The following GMEB1 variants were observed in gnomAD, a reference collection of about 807,000 sequenced individuals.
GMEB1 encodes the protein glucocorticoid modulatory element-binding protein 1.
GMEB1 carries 6 observed loss-of-function variants against 52.4 expected under a neutral mutation model. That is an observed-to-expected ratio of 0.11 (90% CI 0.06 to 0.23). The LOEUF (loss-of-function observed/expected upper bound fraction) is 0.23, where lower values mean the gene tolerates loss of function less well. GMEB1 is among the 10% of genes least tolerant of loss of function. The pLI is 1.00. For missense variants in GMEB1, 486 were observed against 685.6 expected (o/e 0.71, Z 3.25); for synonymous variants, 255 against 244.9 (o/e 1.04, Z -0.38).
intron 1 of GMEB1, among the ~76,000 whole-genome samples, chr1:28,673,288 G>C (rs1668988171): frequency 6.7e-6 from 1 of 148,996 alleles, no homozygotes; most frequent in Non-Finnish European, 1.5e-5. Context: ...TTGAGATGGA[G>C]TTTCCAGGCT....
At chr1:28,700,627 G>T (rs993553602) in intron 6 of GMEB1, among the ~76,000 whole-genome samples, 1 of 151,080 alleles carries the variant, frequency 6.6e-6, no homozygotes, top group African/African-American at 2.4e-5. Flanking sequence ...GGAGACTGCC[G>T]TGAGCCGAGA....
At chr1:28,710,134 A>G (rs917796693) in intron 8 of GMEB1, among the ~76,000 whole-genome samples, 2 of 152,040 alleles carry the variant, frequency 1.3e-5, no homozygotes, top group Non-Finnish European at 2.9e-5. Context: ...GGGACAGAGC[A>G]AGACTCTGTC....
At chr1:28,702,692 C>G in intron 7 of GMEB1, 123 bp downstream of exon 7, 1 of 753,904 alleles carries the variant, frequency 1.3e-6, no homozygotes, top group Non-Finnish European at 2.2e-6. Context: ...TAAATACTAA[C>G]TATAGCTACA....
intron 5 of GMEB1, among the ~76,000 whole-genome samples, chr1:28,695,328 A>G (rs1670151910): frequency 6.6e-6 from 1 of 151,328 alleles, no homozygotes; most frequent in African/African-American, 2.4e-5. Flanking sequence ...TACCTCCTAG[A>G]TTCAAGCAAT....
chr1:28,714,695 TGAG>T lies in GMEB1; in HGVS notation c.1618_1620del (p.Glu540del). 6.2e-7 allele frequency: 1 copy of T among 1,614,132 alleles called. No individual in the cohort carries two copies. Among genetic ancestry groups the T allele is most frequent in the Non-Finnish European group, 8.5e-7 (1 of 1,180,010 alleles). On this transcript the variant is annotated inframe_deletion, in exon 10 of 10. Coordinates refer to ENST00000373816, the MANE Select transcript of GMEB1 (RefSeq NM_001319674.2). ...TCATCTTGGAGACAGAGCTGAGGAC[TGAG>T]GAGAAAGTTGTGGCTGAGATGGAAG...
chr1:28,703,493 C>A lies in GMEB1; in HGVS notation c.731-699C>A, dbSNP rs369229130. On this transcript the variant is annotated intron_variant, in intron 7 of 9. Transcript: ENST00000373816. ...CCTGACCAACATGGAGAAACCCCGT[C>A]TCTACTAAAAATACAAAATTAGCCT... Among the ~76,000 whole-genome samples the A allele has an allele frequency of 7.9e-5, 12 of 152,026 alleles. No individual in the cohort carries two copies. In the South Asian group the frequency reaches 1.3e-3, roughly 16 times the overall value.
At chr1:28,670,463 G>A (rs1362826734) in intron 1 of GMEB1, among the ~76,000 whole-genome samples, 3 of 152,120 alleles carry the variant, frequency 2.0e-5, no homozygotes, top group African/African-American at 7.2e-5. Flanking sequence ...GAGTAGCTGG[G>A]GCTACAGGCG....
intron 6 of GMEB1, among the ~76,000 whole-genome samples, chr1:28,700,428 G>A (rs1181195216): frequency 6.6e-6 from 1 of 151,232 alleles, no homozygotes; most frequent in African/African-American, 2.4e-5. Context: ...GCAGGAGAAT[G>A]GCGTGAACTC....
intron 1 of GMEB1, among the ~76,000 whole-genome samples, chr1:28,673,804 A>G (rs1669010869): frequency 6.6e-6 from 1 of 151,864 alleles, no homozygotes; most frequent in South Asian, 2.1e-4. Flanking sequence ...GCTTGAGCCC[A>G]GGAGTTTGAC....
intron 1 of GMEB1, among the ~76,000 whole-genome samples, chr1:28,679,559 TC>T (rs1257412307): frequency 6.6e-6 from 1 of 152,256 alleles, no homozygotes; most frequent in East Asian, 1.9e-4. Context: ...TCCCTGCATA[TC>T]CAATAGTGTC....
intron 2 of GMEB1, among the ~76,000 whole-genome samples, chr1:28,687,336 A>T (rs558081535): frequency 0.021 from 473 of 23,032 alleles, 8 homozygotes; most frequent in East Asian, 0.082. Flanking sequence ...ACCCTATCTC[A>T]CACACACACA....
chr1:28,694,321 G>C (rs756671662), intron 5 of GMEB1, among the ~76,000 whole-genome samples: 2 of 150,960 alleles, frequency 1.3e-5, no homozygotes, highest in Non-Finnish European at 2.9e-5. Flanking sequence ...CTCCCCAGTA[G>C]CTGGGACTAC....
chr1:28,681,052 A>G (rs918115250), intron 1 of GMEB1, among the ~76,000 whole-genome samples: 1 of 152,116 alleles, frequency 6.6e-6, no homozygotes, highest in African/African-American at 2.4e-5. Flanking sequence ...CTAAAAAAAC[A>G]AAACAAAACA....
At chr1:28,701,575 T>C (rs1398193880) in intron 6 of GMEB1, among the ~76,000 whole-genome samples, 2 of 151,548 alleles carry the variant, frequency 1.3e-5, no homozygotes, top group Non-Finnish European at 2.9e-5. Context: ...GCCAAAAGCT[T>C]TCTTGTTTTT....
At chr1:28,674,804 C>T (rs1377748441) in intron 1 of GMEB1, among the ~76,000 whole-genome samples, 13 of 129,784 alleles carry the variant, frequency 1.0e-4, no homozygotes, top group Middle Eastern at 4.3e-3. Flanking sequence ...CTGCAAGCTC[C>T]GCCTCCCGGG....
In GMEB1 at chr1:28,718,785, A is replaced by T. The variant is rs997813435; in HGVS notation, c.*4012A>T. 3 of 152,170 alleles carry T rather than the reference A, an allele frequency of 2.0e-5. No individual in the cohort carries two copies. The highest frequency in any genetic ancestry group is 7.2e-5 in the African/African-American group (3 of 41,420). 9.4% of individuals were successfully genotyped at this position (152,170 alleles called of 1,614,324 possible). On this transcript the variant is annotated 3_prime_UTR_variant, in exon 10 of 10. Transcript: ENST00000373816. ...TCCTACTGCGTAAGTGCTGTGTGTG[A>T]TAGGGCTATTGGCTAGGAGCTGAGA...
intron 5 of GMEB1, among the ~76,000 whole-genome samples, chr1:28,694,941 C>T (rs1232983830): frequency 7.1e-6 from 1 of 140,620 alleles, no homozygotes; most frequent in African/African-American, 2.7e-5. Flanking sequence ...GGATTACAGG[C>T]GTGAGCCACC....
intron 8 of GMEB1, among the ~76,000 whole-genome samples, chr1:28,706,977 G>GTTTTTTTT (rs1237383046): frequency 6.0e-5 from 5 of 82,770 alleles, no homozygotes; most frequent in African/African-American, 1.1e-4. Flanking sequence ...TCCAGATTTG[G>GTTTTTTTT]TTTTTTTTTT....
At chr1:28,692,849 A>G (rs1460352157) in intron 4 of GMEB1, 93 bp from the exon 5 acceptor site, 4 of 608,976 alleles carry the variant, frequency 6.6e-6, no homozygotes, top group Non-Finnish European at 1.2e-5. Context: ...GGTATTTTTT[A>G]TACAAATGAT....
Sources: gnomAD v4.1 joint callset for allele counts (sites outside exome capture counted in the v4.1 genomes callset) on GRCh38, gnomAD v4.1.1 for gene constraint, MANE v1.5 for transcripts, NCBI Gene and HGNC (gene_info 2026-07-23, HGNC 2026-07-21) for gene names.